Variants in ENOX1 observed in about 807,000 individuals in gnomAD.
ENOX1 encodes the protein ecto-NOX disulfide-thiol exchanger 1.
A neutral mutation model predicts 82.5 loss-of-function variants in ENOX1; 42 were observed. The observed-to-expected ratio is 0.51, with a 90% confidence interval of 0.40 to 0.66. ENOX1 has a LOEUF of 0.66. Among genes scored for constraint, ENOX1 ranks in the 30% least tolerant of loss-of-function variants. ENOX1 has a pLI of 0.00. For synonymous variants in ENOX1, 271 were observed against 282.2 expected, an observed-to-expected ratio of 0.96 and a Z score of 0.40; for missense variants, 608 against 811.6, an observed-to-expected ratio of 0.75 and a Z score of 3.05.
chr13:43,431,165 A>G (rs1488484153), intron 3 of ENOX1, among the ~76,000 whole-genome samples: 1 of 152,236 alleles, frequency 6.6e-6, no homozygotes, highest in Non-Finnish European at 1.5e-5. Flanking sequence ...CTTCGCAGAA[A>G]CAGACACAGT....
intron 2 of ENOX1, among the ~76,000 whole-genome samples, chr13:43,625,657 A>G (rs556530607): frequency 6.6e-6 from 1 of 152,110 alleles, no homozygotes; most frequent in African/African-American, 2.4e-5. Context: ...ATTGATTTTC[A>G]AATATTGAAC....
chr13:43,473,800 C>G (rs1043073136), intron 3 of ENOX1, among the ~76,000 whole-genome samples: 1 of 152,174 alleles, frequency 6.6e-6, no homozygotes, highest in Non-Finnish European at 1.5e-5. Flanking sequence ...TGTCTGTACT[C>G]TGTAACCTCT....
chr13:43,707,179 T>C (rs968670366), intron 1 of ENOX1, among the ~76,000 whole-genome samples: 7 of 151,978 alleles, frequency 4.6e-5, no homozygotes, highest in African/African-American at 1.7e-4. Flanking sequence ...AATAAAACAT[T>C]AAATAGAGAA....
chr13:43,490,578 A>ACTC (rs1412119944), intron 2 of ENOX1, among the ~76,000 whole-genome samples: 7 of 151,924 alleles, frequency 4.6e-5, no homozygotes, highest in African/African-American at 1.7e-4. Flanking sequence ...GGCCATAAGG[A>ACTC]CTCCTCCCAG....
At chr13:43,641,426 A>G (rs543814593) in intron 2 of ENOX1, among the ~76,000 whole-genome samples, 1 of 151,972 alleles carries the variant, frequency 6.6e-6, no homozygotes, top group Admixed American at 6.6e-5. Flanking sequence ...GTAAGGTATG[A>G]TCCTGCCCCC....
At chr13:43,217,390 A>C (rs190714069) in intron 16 of ENOX1, among the ~76,000 whole-genome samples, 140 of 152,260 alleles carry the variant, frequency 9.2e-4, no homozygotes, top group African/African-American at 3.2e-3. Context: ...AAATCATGGG[A>C]AGTCTTGGCT....
chr13:43,251,876 T>C lies in ENOX1; in HGVS notation c.1611+13522A>G, dbSNP rs141824434. On this transcript the variant is annotated intron_variant, in intron 14 of 16. Coordinates refer to ENST00000690772, the MANE Select transcript of ENOX1 (RefSeq NM_001347969.2). ...AAGGGGACTAGTTTGAATACTGTCA[T>C]ATAAAATGGTCAGGAATGATATATA... 2.6e-3 allele frequency among the ~76,000 whole-genome samples: 393 copies of C among 152,278 alleles called. 4 individuals are homozygous for C. Among genetic ancestry groups the C allele is most frequent in the African/African-American group, 9.0e-3 (374 of 41,546 alleles).
At chr13:43,671,263 C>G (rs184319824) in intron 1 of ENOX1, among the ~76,000 whole-genome samples, 14 of 152,278 alleles carry the variant, frequency 9.2e-5, no homozygotes, top group Non-Finnish European at 1.6e-4. Flanking sequence ...TATAAATTAG[C>G]CAGTCTCAGT....
At position 43,596,663 on chromosome 13, in the gene ENOX1, G is replaced by A. The variant is rs144241528; in HGVS notation, c.-219+70816C>T. 5.3e-4 allele frequency among the ~76,000 whole-genome samples: 81 copies of A among 152,244 alleles called. No homozygotes were observed. The East Asian group carries it at 0.015, about 28-fold the overall frequency. On this transcript the variant is annotated intron_variant, in intron 2 of 16. Coordinates refer to ENST00000690772, the MANE Select transcript of ENOX1 (RefSeq NM_001347969.2). ...AACATTCTAAAGAGCATAGAATATG[G>A]GCAATAAAAATTATAGGTTTCATGT...
chr13:43,728,847 G>A (rs779523966), intron 1 of ENOX1, among the ~76,000 whole-genome samples: 27 of 152,118 alleles, frequency 1.8e-4, no homozygotes, highest in Non-Finnish European at 2.8e-4. Context: ...ATTCAACCAT[G>A]CGTATTTGTG....
At chr13:43,580,826 C>A (rs2080686311) in intron 2 of ENOX1, among the ~76,000 whole-genome samples, 1 of 152,098 alleles carries the variant, frequency 6.6e-6, no homozygotes, top group South Asian at 2.1e-4. Context: ...TTGCTTGAGT[C>A]TTTAGAAGTT....
intron 12 of ENOX1, among the ~76,000 whole-genome samples, chr13:43,293,067 C>T (rs1299398599): frequency 6.6e-6 from 1 of 152,126 alleles, no homozygotes; most frequent in African/African-American, 2.4e-5. Context: ...CCAACACAAC[C>T]ACAGCCACCA....
chr13:43,416,864 GGGAGGT>G (rs1456819218), intron 3 of ENOX1, among the ~76,000 whole-genome samples: 1 of 152,222 alleles, frequency 6.6e-6, no homozygotes, highest in East Asian at 1.9e-4. Context: ...GCAGGCCGCT[GGGAGGT>G]GGAGGTTGTA....
intron 2 of ENOX1, among the ~76,000 whole-genome samples, chr13:43,484,800 T>C (rs1268424859): frequency 6.6e-6 from 1 of 152,244 alleles, no homozygotes; most frequent in Non-Finnish European, 1.5e-5. Context: ...ATATTAAATA[T>C]CATCTTATTC....
chr13:43,467,648 GTTTAAAA>G (rs1593346114), intron 3 of ENOX1, among the ~76,000 whole-genome samples: 1 of 151,928 alleles, frequency 6.6e-6, no homozygotes, highest in East Asian at 1.9e-4. Context: ...AAGCACAAAA[GTTTAAAA>G]TTTTGATAAA....
intron 5 of ENOX1, among the ~76,000 whole-genome samples, chr13:43,406,427 G>T (rs1301132144): frequency 6.6e-6 from 1 of 151,686 alleles, no homozygotes; most frequent in Non-Finnish European, 1.5e-5. Flanking sequence ...GAAGTCTTTT[G>T]TTGGCTCCAA....
intron 2 of ENOX1, among the ~76,000 whole-genome samples, chr13:43,622,248 T>G (rs2082766628): frequency 1.3e-5 from 2 of 152,180 alleles, no homozygotes; most frequent in South Asian, 4.1e-4. Flanking sequence ...TTCAGGTAAG[T>G]CAGGGATTTC....
chr13:43,682,109 C>T lies in ENOX1; in HGVS notation c.-284-14565G>A, dbSNP rs549966792. 9.2e-5 allele frequency among the ~76,000 whole-genome samples: 14 copies of T among 152,186 alleles called. No individual in the cohort carries two copies. The South Asian group carries it at 2.5e-3, about 27-fold the overall frequency. On this transcript the variant is annotated intron_variant, in intron 1 of 16. Transcript: ENST00000690772. ...AAATGGAGCCAATAACTATACTTTT[C>T]TGTTGTTGTTATATGTCAGATCTTT... is the stretch of plus-strand genomic sequence containing the variant.
intron 1 of ENOX1, among the ~76,000 whole-genome samples, chr13:43,731,522 TTTTTG>T (rs1168444871): frequency 1.1e-4 from 3 of 28,408 alleles, no homozygotes; most frequent in African/African-American, 1.9e-4. Context: ...CCCAGTCCTG[TTTTTG>T]TTTTTTTTTT....
Sources: gnomAD v4.1 joint callset for allele counts (sites outside exome capture counted in the v4.1 genomes callset) on GRCh38, gnomAD v4.1.1 for gene constraint, MANE v1.5 for transcripts, NCBI Gene and HGNC (gene_info 2026-07-23, HGNC 2026-07-21) for gene names.